The following JUP variants were observed in gnomAD, a reference collection of about 807,000 sequenced individuals.
JUP encodes junction plakoglobin.
JUP carries 28 observed loss-of-function variants against 71.1 expected under a neutral mutation model. That is an observed-to-expected ratio of 0.39 (90% CI 0.29 to 0.54). JUP has a LOEUF of 0.54. Ranked by LOEUF, JUP falls within the 20% of genes least tolerant of loss-of-function variation. The probability of loss-of-function intolerance (pLI) is 0.62; values close to 1 mark genes in which losing one functional copy is unlikely to be tolerated. For missense variants in JUP, 869 were observed against 1,030.1 expected, an observed-to-expected ratio of 0.84 and a Z score of 2.14; for synonymous variants, 401 against 438.9, an observed-to-expected ratio of 0.91 and a Z score of 1.08.
At position 41,769,505 on chromosome 17, in the gene JUP, A is replaced by G. The variant is rs1555605746; in HGVS notation, c.381T>C (p.Ile127=). 6.2e-7 allele frequency: 1 copy of G among 1,612,876 alleles called. No individual in the cohort carries two copies. The highest frequency in any genetic ancestry group is 1.7e-5 in the Admixed American group (1 of 59,848). Residue 127 remains isoleucine (I), a synonymous_variant, in exon 3 of 14, where the codon ATT becomes ATC. Transcript: ENST00000393931. ...CGTCCTGGTAGTTGATGAGATGCACAATGGCCGACTTGAGCAGCTGGGACG... is the reference window on the plus strand; with the variant it reads ...CGTCCTGGTAGTTGATGAGATGCACGATGGCCGACTTGAGCAGCTGGGACG... The part of the protein sequence containing the change: ...AEPSQLLKSA[I]VHLINYQDDA...
intron 4 of JUP, 63 bp from the exon 5 acceptor site, chr17:41,767,643 G>A: frequency 1.4e-6 from 2 of 1,392,080 alleles, no homozygotes; most frequent in Non-Finnish European, 2.0e-6. Context: ...ATGTGAGCCT[G>A]GCATGGGTTC....
chr17:41,757,620 C>T lies in JUP; in HGVS notation c.1924+14G>A, dbSNP rs201959663. On this transcript the variant is annotated intron_variant, in intron 11 of 13. Transcript: ENST00000393931. ...GGGGAGTGGGACCCAGCCTCCTGCC[C>T]TCCCCCAGCTCACCAGTGCCCTCGT... 1 of 1,613,826 alleles carries T rather than the reference C, an allele frequency of 6.2e-7. No homozygotes were observed. Among genetic ancestry groups the T allele is most frequent in the Admixed American group, 1.7e-5 (1 of 59,952 alleles).
rs782052422 is a variant in JUP at position 41,769,419 on chromosome 17, G to A, written c.467C>T (p.Pro156Leu). The A allele has an allele frequency of 3.0e-5, 49 of 1,610,608 alleles. No individual in the cohort carries two copies. Among genetic ancestry groups the A allele is most frequent in the Non-Finnish European group, 3.9e-5 (46 of 1,178,958 alleles). The change falls in exon 3 of 14, where the codon CCG (proline) becomes CTG (leucine). Residue 156 changes from proline (P) to leucine (L), a missense_variant and splice_region_variant. Transcript: ENST00000393931. ...ELTKLLNDED[P>L]VVVTKAAMIV... is the part of the protein sequence containing the mutation. ...ACCCTAGCAGGGACCCTCACAGACC[G>A]GGTCCTCGTCGTTGAGCAGTTTGGT...
chr17:41,762,158 AGAGAGAGAGAGAGAGAGAGTGT>A (rs1334195353), intron 8 of JUP, among the ~76,000 whole-genome samples: 60 of 115,542 alleles, frequency 5.2e-4, no homozygotes, highest in African/African-American at 1.2e-3. Context: ...AGAGAGAGAG[AGAGAGAGAGAGAGAGAGAGTGT>A]GTGTGTGTGT....
rs1382102802 is a variant in JUP, at chr17:41,755,203, T to A, written c.*541A>T. On this transcript the variant is annotated 3_prime_UTR_variant, in exon 14 of 14. Coordinates refer to ENST00000393931, the MANE Select transcript of JUP (RefSeq NM_002230.4). ...GGGGAAAACAGAATGGGTACTTGAG[T>A]CTGAAGCTTTAGTGGCCAGGGCCAC... 5.0e-6 allele frequency: 2 copies of A among 398,126 alleles called. No homozygotes were observed. The highest frequency in any genetic ancestry group is 4.4e-6 in the Non-Finnish European group (1 of 226,316). The allele number at this position is 398,126 out of a possible 1,614,324, so 24.7% of individuals were successfully genotyped here.
chr17:41,783,716 C>T (rs1187421154), intron 1 of JUP, among the ~76,000 whole-genome samples: 2 of 151,620 alleles, frequency 1.3e-5, no homozygotes, highest in Non-Finnish European at 2.9e-5. Flanking sequence ...GTCAGGAGAT[C>T]AAGACCAGCC....
chr17:41,766,014 G>A (rs1308739917), intron 5 of JUP, among the ~76,000 whole-genome samples: 1 of 152,108 alleles, frequency 6.6e-6, no homozygotes, highest in South Asian at 2.1e-4. Flanking sequence ...CCAGCATTTC[G>A]GAGGCTGAAG....
At position 41,757,467 on chromosome 17, in the gene JUP, G is replaced by A. The variant is rs1555598615; in HGVS notation, c.1994C>T (p.Ser665Phe). 6.2e-7 allele frequency: 1 copy of A among 1,614,246 alleles called. No homozygotes were observed. The highest frequency in any genetic ancestry group is 1.7e-5 in the Admixed American group (1 of 60,028). ...GAAGAGGGAGTTGGTGAGCTCCACG[G>A]ACACGCGCTTCCGGTAGTCTGGGTT... The part of the protein sequence containing the change: ...DKNPDYRKRV[S>F]VELTNSLFKH... Residue 665 changes from serine to phenylalanine, a missense_variant, in exon 12 of 14, where the codon TCC becomes TTC. Physicochemically the swap from Ser to Phe is radical, Grantham distance 155. Transcript: ENST00000393931.
In JUP at chr17:41,767,592, G is replaced by C. The variant is rs781970079; in HGVS notation, c.708-12C>G. The C allele has an allele frequency of 8.9e-6, 14 of 1,569,152 alleles. No homozygotes were observed. Among genetic ancestry groups the C allele is most frequent in the Admixed American group, 1.7e-5 (1 of 59,856 alleles). On this transcript the variant is annotated splice_polypyrimidine_tract_variant and intron_variant, in intron 4 of 13. Coordinates refer to ENST00000393931, the MANE Select transcript of JUP (RefSeq NM_002230.4). The stretch of plus-strand genomic sequence containing the variant: ...ACTCCACAGGGGAGCTGGGGGGGTG[G>C]GCAGGGGTTAGTACGCTGAGGTCCC...
At chr17:41,770,417 G>A (rs1415692134) in intron 2 of JUP, among the ~76,000 whole-genome samples, 1 of 152,184 alleles carries the variant, frequency 6.6e-6, no homozygotes, top group Non-Finnish European at 1.5e-5. Flanking sequence ...GGAGAGGGAC[G>A]CAGAGGTTCC....
chr17:41,785,717 G>A (rs1159140401), intron 1 of JUP, among the ~76,000 whole-genome samples: 2 of 152,214 alleles, frequency 1.3e-5, no homozygotes, highest in Non-Finnish European at 2.9e-5. Flanking sequence ...TAAGAGGTTA[G>A]AGAAGACGGG....
chr17:41,765,980 G>A (rs1555603877), intron 5 of JUP, among the ~76,000 whole-genome samples: 1 of 152,196 alleles, frequency 6.6e-6, no homozygotes, highest in South Asian at 2.1e-4. Flanking sequence ...TGTAGGCTGG[G>A]TATGGTGGCC....
chr17:41,783,410 TC>T (rs782303364), intron 1 of JUP, among the ~76,000 whole-genome samples: 2 of 151,000 alleles, frequency 1.3e-5, no homozygotes, highest in East Asian at 4.0e-4. Flanking sequence ...ACCTCAACAT[TC>T]CCAGTAGCTG....
chr17:41,775,051 C>T (rs1316912833), intron 1 of JUP, among the ~76,000 whole-genome samples: 3 of 151,068 alleles, frequency 2.0e-5, no homozygotes, highest in Non-Finnish European at 4.4e-5. Context: ...TGCAGTGAGC[C>T]GAGACTGCGC....
In JUP at chr17:41,763,070, C is replaced by T; in HGVS notation, c.1410G>A (p.Glu470=). The change falls in exon 8 of 14, where the codon GAG becomes GAA. Residue 470 remains glutamate, a synonymous_variant. Coordinates refer to ENST00000393931, the MANE Select transcript of JUP (RefSeq NM_002230.4). ...TGAGACGCACAGAGTTCTGGGCCAT[C>T]TCGGCCTCAGGGTGGCGGCTAGTGA... ...RHLTSRHPEA[E]MAQNSVRLNY... 1 of 1,614,086 alleles carries T rather than the reference C, an allele frequency of 6.2e-7. No individual in the cohort carries two copies. Among genetic ancestry groups the T allele is most frequent in the Non-Finnish European group, 8.5e-7 (1 of 1,179,918 alleles).
At chr17:41,758,145 T>C (rs1451070037) in intron 10 of JUP, 2 of 545,700 alleles carry the variant, frequency 3.7e-6, no homozygotes, top group Non-Finnish European at 6.4e-6. Flanking sequence ...TTTTCATGTT[T>C]ATATGGTTGA....
At chr17:41,768,185 G>A (rs937509638) in intron 4 of JUP, among the ~76,000 whole-genome samples, 2 of 152,142 alleles carry the variant, frequency 1.3e-5, no homozygotes, top group East Asian at 3.8e-4. Flanking sequence ...GATCACCTGA[G>A]GTCAGGAGTT....
chr17:41,768,821 CTG>C, intron 4 of JUP, 146 bp downstream of exon 4: 1 of 705,540 alleles, frequency 1.4e-6, no homozygotes. Flanking sequence ...CCCTGCTGGG[CTG>C]TGAGCCACCG....
chr17:41,759,322 G>C (rs889345800), intron 8 of JUP, among the ~76,000 whole-genome samples: 1 of 152,114 alleles, frequency 6.6e-6, no homozygotes, highest in African/African-American at 2.4e-5. Flanking sequence ...TGATCCGCCT[G>C]CTTCTGCCTT....
Sources: allele counts gnomAD v4.1 joint callset (sites outside exome capture counted in the v4.1 genomes callset), GRCh38; gene constraint gnomAD v4.1.1; transcripts MANE v1.5; gene names NCBI Gene and HGNC (gene_info 2026-07-23, HGNC 2026-07-21).